The following TMEM131 variants were observed in gnomAD, a reference collection of about 807,000 sequenced individuals.
The protein encoded by TMEM131 is 2610524E03Rik.
In TMEM131, 66 loss-of-function variants were observed where a neutral mutation model predicts 211.6. That is an observed-to-expected ratio of 0.31 (90% CI 0.26 to 0.38). TMEM131 has a LOEUF of 0.38. Ranked by LOEUF, TMEM131 falls within the 10% of genes least tolerant of loss-of-function variation. The pLI, the probability that TMEM131 is intolerant of heterozygous loss-of-function variation, is 1.00. For missense variants in TMEM131, 2,036 were observed against 2,299.3 expected, an observed-to-expected ratio of 0.89 and a Z score of 2.34; for synonymous variants, 844 against 841.3, an observed-to-expected ratio of 1.00 and a Z score of -0.06.
chr2:97,758,851 G>GTGGGCC (rs1254426199), intron 40 of TMEM131, 42 bp downstream of exon 40: 2 of 1,570,954 alleles, frequency 1.3e-6, no homozygotes, highest in African/African-American at 2.7e-5. Context: ...TGGCGAGTGG[G>GTGGGCC]TGGGCCAGGT....
intron 19 of TMEM131, among the ~76,000 whole-genome samples, chr2:97,807,174 G>A (rs1322092332): frequency 3.3e-5 from 5 of 152,182 alleles, no homozygotes; most frequent in Admixed American, 2.0e-4. Context: ...GTAATATAGA[G>A]GTAATTTAGA....
chr2:97,843,777 A>C (rs547495489), intron 6 of TMEM131, among the ~76,000 whole-genome samples: 4 of 152,346 alleles, frequency 2.6e-5, no homozygotes, highest in East Asian at 3.9e-4. Flanking sequence ...TAAGTTTATC[A>C]AAAAATACCT....
intron 12 of TMEM131, 139 bp downstream of exon 12, chr2:97,818,474 G>C: frequency 1.7e-5 from 4 of 239,530 alleles, no homozygotes; most frequent in East Asian, 8.6e-5. Context: ...GGGGGGGGGC[G>C]GGGGGGGATC....
At chr2:97,846,097 C>T (rs1417285198) in intron 5 of TMEM131, among the ~76,000 whole-genome samples, 1 of 152,156 alleles carries the variant, frequency 6.6e-6, no homozygotes, top group East Asian at 1.9e-4. Context: ...CAAAGAAAAG[C>T]CCGAGCTTAA....
At chr2:97,854,302 A>G (rs550828227) in intron 5 of TMEM131, among the ~76,000 whole-genome samples, 146 of 152,344 alleles carry the variant, frequency 9.6e-4, no homozygotes, top group African/African-American at 3.3e-3. Flanking sequence ...ACACAATGCT[A>G]CTGCACTTAA....
At chr2:97,835,001 G>T in intron 8 of TMEM131, 76 bp from the exon 9 acceptor site, 1 of 1,489,974 alleles carries the variant, frequency 6.7e-7, no homozygotes, top group South Asian at 1.2e-5. Flanking sequence ...TGAACTGGAT[G>T]ACACTGACTG....
intron 31 of TMEM131, among the ~76,000 whole-genome samples, chr2:97,777,303 A>T (rs769773294): frequency 5.9e-5 from 9 of 152,252 alleles, no homozygotes; most frequent in Non-Finnish European, 1.0e-4. Context: ...ATGGTGACTT[A>T]ATACAACTTA....
chr2:97,855,942 T>G (rs1159535733), intron 5 of TMEM131, among the ~76,000 whole-genome samples: 2 of 152,152 alleles, frequency 1.3e-5, no homozygotes, highest in Non-Finnish European at 2.9e-5. Context: ...TTAACACCCT[T>G]CAACCCATGA....
intron 4 of TMEM131, among the ~76,000 whole-genome samples, chr2:97,882,839 C>T (rs111897400): frequency 9.2e-5 from 14 of 152,298 alleles, no homozygotes; most frequent in East Asian, 3.9e-4. Context: ...TCTACACTTG[C>T]GAGATATAAC....
At chr2:97,794,194 C>T (rs930703653) in intron 29 of TMEM131, among the ~76,000 whole-genome samples, 1 of 151,610 alleles carries the variant, frequency 6.6e-6, no homozygotes, top group African/African-American at 2.4e-5. Context: ...ATCACCACAT[C>T]CGGCTAATTT....
chr2:97,993,451 A>T (rs1680347736), intron 1 of TMEM131, among the ~76,000 whole-genome samples: 1 of 152,254 alleles, frequency 6.6e-6, no homozygotes, highest in Admixed American at 6.5e-5. Flanking sequence ...CAGAAACAAT[A>T]CTGGAATATG....
At chr2:97,983,348 G>A (rs1013730259) in intron 1 of TMEM131, among the ~76,000 whole-genome samples, 5 of 152,128 alleles carry the variant, frequency 3.3e-5, no homozygotes, top group East Asian at 3.9e-4. Flanking sequence ...AGACATGTCC[G>A]ACCCCCTCTT....
intron 11 of TMEM131, chr2:97,827,348 C>G: frequency 1.2e-6 from 1 of 825,472 alleles, no homozygotes; most frequent in South Asian, 1.3e-5. Flanking sequence ...AAAGTGGAAG[C>G]AAAGCCGAAA....
At chr2:97,989,249 T>A (rs1291418636) in intron 1 of TMEM131, among the ~76,000 whole-genome samples, 1 of 147,750 alleles carries the variant, frequency 6.8e-6, no homozygotes, top group African/African-American at 2.5e-5. Flanking sequence ...GTAAATAAAT[T>A]CTCAAAACAT....
At position 97,995,648 on chromosome 2, in the gene TMEM131, C is replaced by T. The variant is rs942622954; in HGVS notation, c.15G>A (p.Ala5=). 114 of 1,215,370 alleles carry T rather than the reference C, an allele frequency of 9.4e-5. 1 individual carries two copies. Among genetic ancestry groups the T allele is most frequent in the Middle Eastern group, 3.2e-4 (1 of 3,116 alleles). The allele number at this position is 1,215,370 out of a possible 1,614,324, so 75.3% of individuals were successfully genotyped here. The change falls in exon 1 of 41, where the codon GCG becomes GCA. Residue 5 remains alanine, a synonymous_variant. Transcript: ENST00000186436. The part of the protein sequence containing the change: MGKR[A]GGGATGATTA... ...TGGTGGCTCCGGTTGCTCCTCCTCCCGCCCGCTTCCCCATCCCTGCCGGCC... is the reference window on the plus strand; with the variant it reads ...TGGTGGCTCCGGTTGCTCCTCCTCCTGCCCGCTTCCCCATCCCTGCCGGCC...
At chr2:97,886,258 A>G (rs1447657026) in intron 4 of TMEM131, among the ~76,000 whole-genome samples, 1 of 151,984 alleles carries the variant, frequency 6.6e-6, no homozygotes, top group Non-Finnish European at 1.5e-5. Context: ...AGCATTTAGT[A>G]TATTTTCTTA....
chr2:97,956,692 T>A (rs921741617), intron 1 of TMEM131, among the ~76,000 whole-genome samples: 6 of 151,620 alleles, frequency 4.0e-5, no homozygotes, highest in Non-Finnish European at 8.8e-5. Flanking sequence ...TAAACTAGAT[T>A]TTTTTTTTAC....
intron 3 of TMEM131, among the ~76,000 whole-genome samples, chr2:97,889,442 T>C (rs774461868): frequency 7.2e-5 from 11 of 152,020 alleles, no homozygotes; most frequent in Non-Finnish European, 1.6e-4. Flanking sequence ...CAAGAGATGC[T>C]CCTCAGCTCA....
At chr2:97,795,775 A>AT (rs1349896063) in intron 28 of TMEM131, among the ~76,000 whole-genome samples, 3 of 152,206 alleles carry the variant, frequency 2.0e-5, no homozygotes, top group Admixed American at 6.5e-5. Context: ...TGCTGCAGCT[A>AT]TTACTGAGAT....
Sources: allele counts gnomAD v4.1 joint callset (sites outside exome capture counted in the v4.1 genomes callset), GRCh38; gene constraint gnomAD v4.1.1; transcripts MANE v1.5; gene names NCBI Gene and HGNC (gene_info 2026-07-23, HGNC 2026-07-21).